OR2M5: variants seen among roughly 807,000 people sequenced by gnomAD.
The protein encoded by OR2M5 is olfactory receptor 2M5.
For synonymous variants in OR2M5, 164 were observed against 139.6 expected (o/e 1.18, Z -1.23); for missense variants, 413 against 389.3 (o/e 1.06, Z -0.51).
rs2103232280 is a variant in OR2M5, at chr1:248,145,474, C to T, written c.327C>T (p.Gly109=). The T allele has an allele frequency of 1.9e-6, 3 of 1,614,066 alleles. No homozygotes were observed. In the Middle Eastern group the frequency reaches 5.0e-4, roughly 266 times the overall value. Residue 109 remains glycine (G), a synonymous_variant, in exon 1 of 1, where the codon GGC becomes GGT. Transcript: ENST00000366476. ...TQIFFYVSLL[G]SECFLLAVMS... ...TTTTCTTCTATGTATCACTGCTTGG[C>T]TCCGAATGCTTTCTGTTGGCTGTTA...
At position 248,145,548 on chromosome 1, in the gene OR2M5, A is replaced by G. The variant is rs748089955; in HGVS notation, c.401A>G (p.Asn134Ser). 9 of 1,613,772 alleles carry G rather than the reference A, an allele frequency of 5.6e-6. No individual in the cohort carries two copies. Among genetic ancestry groups the G allele is most frequent in the Admixed American group, 5.0e-5 (3 of 59,978 alleles). Reference sequence around the variant, plus strand: ...ATTTGCCACCCTCTAAGATACACCAATCTCATGAGACCCAAAATTTGTGGA... The same window carrying G: ...ATTTGCCACCCTCTAAGATACACCAGTCTCATGAGACCCAAAATTTGTGGA... ...IAICHPLRYTNLMRPKICGLM... is the reference protein window; with the variant it reads ...IAICHPLRYTSLMRPKICGLM... The change falls in exon 1 of 1, where the codon AAT becomes AGT. Residue 134 changes from asparagine to serine, a missense_variant. Transcript: ENST00000366476.
chr1:248,145,736 A>C lies in OR2M5; in HGVS notation c.589A>C (p.Lys197Gln). 1 of 1,612,188 alleles carries C rather than the reference A, an allele frequency of 6.2e-7. No individual in the cohort carries two copies. The highest frequency in any genetic ancestry group is 8.5e-7 in the Non-Finnish European group (1 of 1,179,180). Reference protein sequence around the residue: ...LSCNDTSIFEKVLFICCIVMI... With the variant: ...LSCNDTSIFEQVLFICCIVMI... Reference sequence around the variant, plus strand: ...ATGCAATGACACATCAATATTTGAAAAGGTTCTTTTCATCTGCTGTATAGT... The same window carrying C: ...ATGCAATGACACATCAATATTTGAACAGGTTCTTTTCATCTGCTGTATAGT... Residue 197 changes from lysine to glutamine, a missense_variant, in exon 1 of 1, where the codon AAG (lysine) becomes CAG (glutamine). By Grantham distance (53) the Lys-to-Gln change is moderately conservative (BLOSUM62 1). Coordinates refer to ENST00000366476, the MANE Select transcript of OR2M5 (RefSeq NM_001004690.1).
In OR2M5 at chr1:248,145,297, C is replaced by T. The variant is rs759483290; in HGVS notation, c.150C>T (p.Tyr50=). Residue 50 remains tyrosine (Y), a synonymous_variant, in exon 1 of 1, where the codon TAC becomes TAT. Transcript: ENST00000366476. Reference sequence around the variant, plus strand: ...ACTCTGTCATGGTTCTCCTCATCTACCTGGACACCCAGCTCCACACCCCCA... The same window carrying T: ...ACTCTGTCATGGTTCTCCTCATCTATCTGGACACCCAGCTCCACACCCCCA... ...MGNSVMVLLI[Y]LDTQLHTPMY... The T allele has an allele frequency of 4.5e-5, 73 of 1,613,700 alleles. No homozygotes were observed. The highest frequency in any genetic ancestry group is 4.5e-4 in the Admixed American group (27 of 59,952).
Position 248,145,443 on chromosome 1 carries a change from C to T in OR2M5, c.296C>T (p.Thr99Ile). 1 of 1,614,060 alleles carries T rather than the reference C, an allele frequency of 6.2e-7. No individual in the cohort carries two copies. Among genetic ancestry groups the T allele is most frequent in the Non-Finnish European group, 8.5e-7 (1 of 1,179,950 alleles). The change falls in exon 1 of 1, where the codon ACA (threonine) becomes ATA (isoleucine). Residue 99 changes from threonine to isoleucine, a missense_variant. Physicochemically the swap from Thr to Ile is moderately conservative, Grantham distance 89. Coordinates refer to ENST00000366476, the MANE Select transcript of OR2M5 (RefSeq NM_001004690.1). ...SKSISMAGCA[T>I]QIFFYVSLLG... The stretch of plus-strand genomic sequence containing the variant: ...TCCATTTCTATGGCTGGTTGTGCCA[C>T]ACAAATTTTCTTCTATGTATCACTG...
At position 248,145,510 on chromosome 1, in the gene OR2M5, C is replaced by T. The variant is rs1457121312; in HGVS notation, c.363C>T (p.Asp121=). The change falls in exon 1 of 1, where the codon GAC becomes GAT. Residue 121 remains aspartate (D), a synonymous_variant. Transcript: ENST00000366476. ...TTCTGTTGGCTGTTATGTCTTATGA[C>T]CGCTATATTGCCATTTGCCACCCTC... ...ECFLLAVMSY[D]RYIAICHPLR... The T allele has an allele frequency of 3.1e-6, 5 of 1,613,844 alleles. No homozygotes were observed. The highest frequency in any genetic ancestry group is 4.2e-6 in the Non-Finnish European group (5 of 1,179,930).
Position 248,145,619 on chromosome 1 carries a change from A to G in OR2M5, c.472A>G (p.Ile158Val). 6.2e-7 allele frequency: 1 copy of G among 1,613,734 alleles called. No homozygotes were observed. The highest frequency in any genetic ancestry group is 1.1e-5 in the South Asian group (1 of 91,060). The change falls in exon 1 of 1, where the codon ATT (isoleucine) becomes GTT (valine). Residue 158 changes from isoleucine to valine, a missense_variant. Transcript: ENST00000366476. ...GATCCTGGGCTCTATGGATGCAATCATTGATGCTGTAGCGACATTTTCCTT... is the reference window on the plus strand; with the variant it reads ...GATCCTGGGCTCTATGGATGCAATCGTTGATGCTGTAGCGACATTTTCCTT... Reference protein sequence around the residue: ...SWILGSMDAIIDAVATFSFSY... With the variant: ...SWILGSMDAIVDAVATFSFSY...
chr1:248,145,773 T>C lies in OR2M5; in HGVS notation c.626T>C (p.Phe209Ser), dbSNP rs746667661. The stretch of plus-strand genomic sequence containing the variant: ...ATCTGCTGTATAGTAATGATTGTTT[T>C]TCCTGTTGCAATCATCATCGCTTCC... ...LFICCIVMIV[F>S]PVAIIIASYA... Residue 209 changes from phenylalanine to serine, a missense_variant, in exon 1 of 1, where the codon TTT (phenylalanine) becomes TCT (serine). By Grantham distance (155) the Phe-to-Ser change is radical (BLOSUM62 -2). Transcript: ENST00000366476. 6.8e-6 allele frequency: 11 copies of C among 1,613,672 alleles called. No individual in the cohort carries two copies. The highest frequency in any genetic ancestry group is 2.2e-5 in the East Asian group (1 of 44,880).
In OR2M5 at chr1:248,145,813, T is replaced by C. The variant is rs1233038107; in HGVS notation, c.666T>C (p.Ile222=). 4 of 1,613,182 alleles carry C rather than the reference T, an allele frequency of 2.5e-6. No individual in the cohort carries two copies. The highest frequency in any genetic ancestry group is 1.7e-5 in the Admixed American group (1 of 59,986). The change falls in exon 1 of 1, where the codon ATT becomes ATC. Residue 222 remains isoleucine (I), a synonymous_variant. Coordinates refer to ENST00000366476, the MANE Select transcript of OR2M5 (RefSeq NM_001004690.1). ...TCATCGCTTCCTATGCTCGAGTTATTCTGGCTGTCATTCACATGGGATCTG... is the reference window on the plus strand; with the variant it reads ...TCATCGCTTCCTATGCTCGAGTTATCCTGGCTGTCATTCACATGGGATCTG... ...AIIIASYARV[I]LAVIHMGSGE...
Position 248,145,153 on chromosome 1 carries a change from A to G in OR2M5, c.6A>G (p.Ala2=). Residue 2 remains alanine (A), a synonymous_variant, in exon 1 of 1, where the codon GCA becomes GCG. Coordinates refer to ENST00000366476, the MANE Select transcript of OR2M5 (RefSeq NM_001004690.1). ...AGGTAAAAAACATATTCATCATGGC[A>G]TGGGAGAATCAGACCTTCAACTCTG... M[A]WENQTFNSDF... The G allele has an allele frequency of 1.2e-6, 2 of 1,612,036 alleles. No individual in the cohort carries two copies. Among genetic ancestry groups the G allele is most frequent in the East Asian group, 2.2e-5 (1 of 44,868 alleles).
Position 248,145,858 on chromosome 1 carries a change from T to C in OR2M5, c.711T>C (p.Ala237=). 1.9e-6 allele frequency: 3 copies of C among 1,613,554 alleles called. No individual in the cohort carries two copies. The highest frequency in any genetic ancestry group is 2.5e-6 in the Non-Finnish European group (3 of 1,179,828). The part of the protein sequence containing the change: ...HMGSGEGRRK[A]FTTCSSHLMV... ...GATCTGGAGAGGGTCGTCGCAAAGC[T>C]TTTACTACCTGTTCCTCTCACCTCA... The change falls in exon 1 of 1, where the codon GCT becomes GCC. Residue 237 remains alanine (A), a synonymous_variant. Coordinates refer to ENST00000366476, the MANE Select transcript of OR2M5 (RefSeq NM_001004690.1).
Position 248,145,495 on chromosome 1 carries a change from T to G in OR2M5, c.348T>G (p.Ala116=). Residue 116 remains alanine (A), a synonymous_variant, in exon 1 of 1, where the codon GCT becomes GCG. Transcript: ENST00000366476. The part of the protein sequence containing the change: ...SLLGSECFLL[A]VMSYDRYIAI... ...TTGGCTCCGAATGCTTTCTGTTGGC[T>G]GTTATGTCTTATGACCGCTATATTG... The G allele has an allele frequency of 6.2e-7, 1 of 1,614,070 alleles. No homozygotes were observed. The highest frequency in any genetic ancestry group is 8.5e-7 in the Non-Finnish European group (1 of 1,179,958).
chr1:248,145,918 C>T lies in OR2M5; in HGVS notation c.771C>T (p.Phe257=). ...GAATGTACTATGGAGCAGGTTTGTT[C>T]ATGTACATACGGCCCACATCTGATC... The part of the protein sequence containing the change: ...VVGMYYGAGL[F]MYIRPTSDRS... The change falls in exon 1 of 1, where the codon TTC becomes TTT. Residue 257 remains phenylalanine, a synonymous_variant. Coordinates refer to ENST00000366476, the MANE Select transcript of OR2M5 (RefSeq NM_001004690.1). 1 of 1,613,932 alleles carries T rather than the reference C, an allele frequency of 6.2e-7. No individual in the cohort carries two copies. The highest frequency in any genetic ancestry group is 8.5e-7 in the Non-Finnish European group (1 of 1,179,926).
rs758280431 is a variant in OR2M5 at position 248,145,476 on chromosome 1, C to T, written c.329C>T (p.Ser110Phe). 2.5e-6 allele frequency: 4 copies of T among 1,614,016 alleles called. No homozygotes were observed. In the South Asian group the frequency reaches 4.4e-5, roughly 18 times the overall value. The change falls in exon 1 of 1, where the codon TCC becomes TTC. Residue 110 changes from serine (S) to phenylalanine (F), a missense_variant. By Grantham distance (155) the Ser-to-Phe change is radical (BLOSUM62 -2). Coordinates refer to ENST00000366476, the MANE Select transcript of OR2M5 (RefSeq NM_001004690.1). ...QIFFYVSLLG[S>F]ECFLLAVMSY... ...TTCTTCTATGTATCACTGCTTGGCT[C>T]CGAATGCTTTCTGTTGGCTGTTATG...
rs767045918 is a variant in OR2M5, at chr1:248,145,250, T to G, written c.103T>G (p.Phe35Val). 1 of 1,614,048 alleles carries G rather than the reference T, an allele frequency of 6.2e-7. No homozygotes were observed. The stretch of plus-strand genomic sequence containing the variant: ...CCTCTTCTTTCTGGTCCTGGCCATC[T>G]TTTCAGTGGCCTTCATGGGAAACTC... ...TFLFFLVLAI[F>V]SVAFMGNSVM... Residue 35 changes from phenylalanine (F) to valine (V), a missense_variant, in exon 1 of 1, where the codon TTT becomes GTT. Coordinates refer to ENST00000366476, the MANE Select transcript of OR2M5 (RefSeq NM_001004690.1).
rs967708967 is a variant in OR2M5 at position 248,145,982 on chromosome 1, A to G, written c.835A>G (p.Thr279Ala). The change falls in exon 1 of 1, where the codon ACC becomes GCC. Residue 279 changes from threonine to alanine, a missense_variant. By Grantham distance (58) the Thr-to-Ala change is moderately conservative (BLOSUM62 0). Coordinates refer to ENST00000366476, the MANE Select transcript of OR2M5 (RefSeq NM_001004690.1). Reference sequence around the variant, plus strand: ...GGACAAGCTGGTGTCTGTATTCTACACCATCCTCACTCCCATGCTGAATCC... The same window carrying G: ...GGACAAGCTGGTGTCTGTATTCTACGCCATCCTCACTCCCATGCTGAATCC... ...MQDKLVSVFY[T>A]ILTPMLNPLI... 4 of 1,613,880 alleles carry G rather than the reference A, an allele frequency of 2.5e-6. No individual in the cohort carries two copies. The highest frequency in any genetic ancestry group is 3.4e-6 in the Non-Finnish European group (4 of 1,179,916).
chr1:248,145,999 G>T lies in OR2M5; in HGVS notation c.852G>T (p.Met284Ile), dbSNP rs747039507. The change falls in exon 1 of 1, where the codon ATG (methionine) becomes ATT (isoleucine). Residue 284 changes from methionine to isoleucine, a missense_variant. Physicochemically the swap from Met to Ile is conservative, Grantham distance 10 (BLOSUM62 1). Coordinates refer to ENST00000366476, the MANE Select transcript of OR2M5 (RefSeq NM_001004690.1). The stretch of plus-strand genomic sequence containing the variant: ...TATTCTACACCATCCTCACTCCCAT[G>T]CTGAATCCCCTCATCTACAGCCTCC... ...VSVFYTILTPMLNPLIYSLRN... is the reference protein window; with the variant it reads ...VSVFYTILTPILNPLIYSLRN... The T allele has an allele frequency of 1.2e-6, 2 of 1,613,862 alleles. No homozygotes were observed. Among genetic ancestry groups the T allele is most frequent in the South Asian group, 2.2e-5 (2 of 91,066 alleles).
Position 248,146,076 on chromosome 1 carries a change from G to T in OR2M5, c.929G>T (p.Cys310Phe). ...AGGAAAGTGTTAGGAAAGGGCAAGT[G>T]TGGAGAGTGAGTACTTTGTAAACTT... Reference protein sequence around the residue: ...ALRKVLGKGKCGE With the variant: ...ALRKVLGKGKFGE Residue 310 changes from cysteine (C) to phenylalanine (F), a missense_variant, in exon 1 of 1, where the codon TGT becomes TTT. Transcript: ENST00000366476. The T allele has an allele frequency of 6.2e-7, 1 of 1,609,982 alleles. No homozygotes were observed. Among genetic ancestry groups the T allele is most frequent in the Non-Finnish European group, 8.5e-7 (1 of 1,177,788 alleles).
In OR2M5 at chr1:248,145,488, T is replaced by C; in HGVS notation, c.341T>C (p.Leu114Pro). 6.2e-7 allele frequency: 1 copy of C among 1,614,104 alleles called. No homozygotes were observed. Among genetic ancestry groups the C allele is most frequent in the South Asian group, 1.1e-5 (1 of 91,086 alleles). The change falls in exon 1 of 1, where the codon CTG becomes CCG. Residue 114 changes from leucine to proline, a missense_variant. Transcript: ENST00000366476. ...YVSLLGSECF[L>P]LAVMSYDRYI... ...TCACTGCTTGGCTCCGAATGCTTTCTGTTGGCTGTTATGTCTTATGACCGC... is the reference window on the plus strand; with the variant it reads ...TCACTGCTTGGCTCCGAATGCTTTCCGTTGGCTGTTATGTCTTATGACCGC...
At position 248,145,867 on chromosome 1, in the gene OR2M5, C is replaced by G. The variant is rs769571074; in HGVS notation, c.720C>G (p.Thr240=). 15 of 1,613,704 alleles carry G rather than the reference C, an allele frequency of 9.3e-6. No homozygotes were observed. The highest frequency in any genetic ancestry group is 2.2e-5 in the East Asian group (1 of 44,880). ...AGGGTCGTCGCAAAGCTTTTACTAC[C>G]TGTTCCTCTCACCTCATGGTGGTGG... ...SGEGRRKAFT[T]CSSHLMVVGM... is the part of the protein sequence containing the mutation. Residue 240 remains threonine (T), a synonymous_variant, in exon 1 of 1, where the codon ACC becomes ACG. Coordinates refer to ENST00000366476, the MANE Select transcript of OR2M5 (RefSeq NM_001004690.1).
Sources: allele counts gnomAD v4.1 joint callset, GRCh38; gene constraint gnomAD v4.1.1; transcripts MANE v1.5; gene names NCBI Gene and HGNC (gene_info 2026-07-23, HGNC 2026-07-21).